The following VAMP7 variants were observed in gnomAD, a reference collection of about 807,000 sequenced individuals.
The protein encoded by VAMP7 is vesicle-associated membrane protein 7.
Under a neutral mutation model 29.6 loss-of-function variants are expected in VAMP7, and 14 were observed. The observed-to-expected ratio is 0.47, with a 90% CI of 0.31 to 0.74. VAMP7 has a LOEUF of 0.74. Ranked by LOEUF, VAMP7 falls within the 30% of genes least tolerant of loss-of-function variation. The pLI is 0.05. For synonymous variants in VAMP7, 95 were observed against 88.1 expected (o/e 1.08, Z -0.44); for missense variants, 223 against 262.4 (o/e 0.85, Z 1.04).
At chrX:155,936,866 A>C (rs1366082667) in intron 6 of VAMP7, among the ~76,000 whole-genome samples, 1 of 152,224 alleles carries the variant, frequency 6.6e-6, no homozygotes, top group African/African-American at 2.4e-5. Context: ...CATTTATGAT[A>C]GCATCAAAAA....
Position 155,889,735 on chromosome X carries a change from A to T in VAMP7, c.146+123A>T, listed in dbSNP as rs1298474560. 3.8e-6 allele frequency: 4 copies of T among 1,054,762 alleles called. No homozygotes were observed. The African/African-American group carries it at 4.8e-5, about 13-fold the overall frequency. 65.3% of individuals were successfully genotyped at this position (1,054,762 alleles called of 1,614,324 possible). ...AATTTGAATAAGCTGACAGAATAGT[A>T]ACCTTCACCAACTTAGAAAATATAT... On this transcript the variant is annotated intron_variant, in intron 2 of 7. Coordinates refer to ENST00000286448, the MANE Select transcript of VAMP7 (RefSeq NM_005638.6).
chrX:155,922,332 G>GA (rs956793211), intron 6 of VAMP7, among the ~76,000 whole-genome samples: 3 of 151,628 alleles, frequency 2.0e-5, no homozygotes, highest in African/African-American at 7.3e-5. Flanking sequence ...AATACTTTTT[G>GA]AAAAAAATAA....
At chrX:155,914,539 A>G (rs770761018) in intron 5 of VAMP7, among the ~76,000 whole-genome samples, 39 of 152,332 alleles carry the variant, frequency 2.6e-4, no homozygotes, top group African/African-American at 9.4e-4. Flanking sequence ...GCATTCCATC[A>G]ATACCTAGTT....
At chrX:155,886,576 A>G (rs746341200) in intron 1 of VAMP7, among the ~76,000 whole-genome samples, 2 of 152,198 alleles carry the variant, frequency 1.3e-5, no homozygotes, top group South Asian at 2.1e-4. Flanking sequence ...TGTTCCCTCT[A>G]AGTCCTCTCT....
intron 3 of VAMP7, among the ~76,000 whole-genome samples, chrX:155,896,688 T>G (rs1214835177): frequency 6.6e-6 from 1 of 152,118 alleles, no homozygotes; most frequent in Non-Finnish European, 1.5e-5. Flanking sequence ...CCCAGCTGCA[T>G]GCCCTCCCCT....
At chrX:155,910,800 A>G (rs1029869650) in intron 5 of VAMP7, among the ~76,000 whole-genome samples, 1 of 151,768 alleles carries the variant, frequency 6.6e-6, no homozygotes, top group African/African-American at 2.4e-5. Context: ...GATTATTTGT[A>G]TATCTCCTGT....
At chrX:155,903,280 A>C (rs971231837) in intron 5 of VAMP7, among the ~76,000 whole-genome samples, 13 of 152,182 alleles carry the variant, frequency 8.5e-5, no homozygotes, top group African/African-American at 3.1e-4. Context: ...ATTACCATTC[A>C]GGACATAGGC....
chrX:155,924,104 G>T (rs896635916), intron 6 of VAMP7, among the ~76,000 whole-genome samples: 3 of 151,852 alleles, frequency 2.0e-5, no homozygotes, highest in Non-Finnish European at 2.9e-5. Flanking sequence ...TTTATTTGCC[G>T]CATCCCTGTC....
intron 5 of VAMP7, among the ~76,000 whole-genome samples, chrX:155,919,289 TG>T (rs370038691): frequency 6.8e-4 from 104 of 152,262 alleles, no homozygotes; most frequent in African/African-American, 2.4e-3. Context: ...ATTACTGGCT[TG>T]TTCAGGTTTT....
intron 1 of VAMP7, among the ~76,000 whole-genome samples, chrX:155,889,166 T>C (rs1469327892): frequency 6.6e-6 from 1 of 152,116 alleles, no homozygotes; most frequent in East Asian, 1.9e-4. Context: ...AAGGGTGATA[T>C]CTGTTTGTGC....
chrX:155,927,230 G>A (rs773730907), intron 6 of VAMP7, among the ~76,000 whole-genome samples: 2 of 151,848 alleles, frequency 1.3e-5, no homozygotes, highest in African/African-American at 2.4e-5. Context: ...GGGAGTGGGG[G>A]CTAGGGGAGG....
intron 5 of VAMP7, among the ~76,000 whole-genome samples, chrX:155,912,277 G>A (rs1255463664): frequency 3.3e-5 from 5 of 151,850 alleles, no homozygotes; most frequent in African/African-American, 1.2e-4. Flanking sequence ...TTCCTTTTGA[G>A]CTATGTCATC....
intron 6 of VAMP7, among the ~76,000 whole-genome samples, chrX:155,932,656 G>A (rs2066579729): frequency 6.6e-6 from 1 of 152,066 alleles, no homozygotes; most frequent in African/African-American, 2.4e-5. Context: ...CTGCAAACAG[G>A]GACAATTTGA....
chrX:155,913,383 C>G (rs1602968492), intron 5 of VAMP7, among the ~76,000 whole-genome samples: 1 of 152,080 alleles, frequency 6.6e-6, no homozygotes, highest in South Asian at 2.1e-4. Flanking sequence ...TTAATTAGAT[C>G]CCATTTGTCA....
intron 6 of VAMP7, among the ~76,000 whole-genome samples, chrX:155,920,560 T>C (rs1447936487): frequency 6.6e-6 from 1 of 152,184 alleles, no homozygotes; most frequent in Non-Finnish European, 1.5e-5. Flanking sequence ...AGTGATTGAT[T>C]ATGTTCGTTG....
At position 155,898,025 on chromosome X, in the gene VAMP7, G is replaced by A. The variant is rs2066008985; in HGVS notation, c.205-87G>A. ...CTCAGATAATCATTGCTCAGTAAAT[G>A]TTAGCTGTTTTTTATTGTTGTTCTT... On this transcript the variant is annotated intron_variant, in intron 3 of 7. Transcript: ENST00000286448. The A allele has an allele frequency of 5.3e-6, 8 of 1,499,852 alleles. No homozygotes were observed. In the East Asian group the frequency reaches 1.6e-4, roughly 30 times the overall value. The allele number at this position is 1,499,852 out of a possible 1,614,324, so 92.9% of individuals were successfully genotyped here.
chrX:155,925,826 A>G (rs1602996702), intron 6 of VAMP7, among the ~76,000 whole-genome samples: 2 of 152,304 alleles, frequency 1.3e-5, no homozygotes, highest in Admixed American at 1.3e-4. Context: ...AGCAGTTCCC[A>G]GCTTGACTTT....
intron 6 of VAMP7, among the ~76,000 whole-genome samples, chrX:155,924,551 C>T (rs2066442170): frequency 1.3e-5 from 2 of 152,044 alleles, no homozygotes; most frequent in African/African-American, 4.8e-5. Context: ...ACAAAATTTG[C>T]CCTTTTGTGT....
Position 155,927,481 on chromosome X carries a change from CAAAAAAA to C in VAMP7, c.501+7622_501+7628del, listed in dbSNP as rs531998416. On this transcript the variant is annotated intron_variant, in intron 6 of 7. Transcript: ENST00000286448. ...GGGTTTCCACAGACCTTCGATTTGCCAAAAAAAAAAAAAAAAAAAAAAAAAAATCCAT... is the reference window on the plus strand; with the variant it reads ...GGGTTTCCACAGACCTTCGATTTGCCAAAAAAAAAAAAAAAAAAAATCCAT... Among the ~76,000 whole-genome samples, 9 of 111,602 alleles carry C rather than the reference CAAAAAAA, an allele frequency of 8.1e-5. No homozygotes were observed. In the South Asian group the frequency reaches 1.2e-3, roughly 15 times the overall value. The allele number at this position is 111,602 out of a possible 152,430, so 73.2% of individuals were successfully genotyped here. A position where few individuals can be genotyped will look rare whatever the true frequency, so the allele number is the denominator to read the frequency against.
Sources: gnomAD v4.1 joint callset for allele counts (sites outside exome capture counted in the v4.1 genomes callset) on GRCh38, gnomAD v4.1.1 for gene constraint, MANE v1.5 for transcripts, NCBI Gene and HGNC (gene_info 2026-07-23, HGNC 2026-07-21) for gene names.